The following ME3 variants were observed in gnomAD, a reference collection of about 807,000 sequenced individuals.
ME3 encodes malic enzyme 3, also known as NADP-dependent malic enzyme, mitochondrial.
In ME3, 48 loss-of-function variants were observed where a neutral mutation model predicts 68.9. The observed-to-expected ratio is 0.70, with a 90% CI of 0.55 to 0.89. ME3 has a LOEUF of 0.89. Among genes scored for constraint, ME3 ranks in the 40% least tolerant of loss-of-function variants. ME3 has a pLI of 0.00. For synonymous variants in ME3, 320 were observed against 318.8 expected (o/e 1.00, Z -0.04); for missense variants, 675 against 797.4 (o/e 0.85, Z 1.85).
At chr11:86,440,487 C>T (rs895542493), downstream of ME3, among the ~76,000 whole-genome samples, 1 of 152,152 alleles carries the variant, frequency 6.6e-6, no homozygotes, top group African/African-American at 2.4e-5. Context: ...ATCAAGTCTT[C>T]CCTAGATCTC....
chr11:86,608,703 A>G (rs1169390482), intron 2 of ME3, among the ~76,000 whole-genome samples: 1 of 152,240 alleles, frequency 6.6e-6, no homozygotes, highest in Non-Finnish European at 1.5e-5. Context: ...AAAAAATTAA[A>G]AATAAAGTAA....
intron 2 of ME3, among the ~76,000 whole-genome samples, chr11:86,615,023 G>C (rs190263368): frequency 6.6e-6 from 1 of 151,978 alleles, no homozygotes; most frequent in African/African-American, 2.4e-5. Context: ...GAACCAAATC[G>C]TTTTTTTAAA....
At chr11:86,555,176 A>G (rs1956868141) in intron 4 of ME3, among the ~76,000 whole-genome samples, 1 of 152,230 alleles carries the variant, frequency 6.6e-6, no homozygotes, top group Admixed American at 6.5e-5. Flanking sequence ...AGATCAGAGT[A>G]GTTAGAACAC....
chr11:86,546,725 A>C (rs1956381277), intron 4 of ME3, among the ~76,000 whole-genome samples: 1 of 152,222 alleles, frequency 6.6e-6, no homozygotes, highest in Non-Finnish European at 1.5e-5. Flanking sequence ...GTGAGAGTGT[A>C]AATTTGTTCA....
the ME3 span, chr11:86,436,044 G>A: frequency 6.6e-6 from 1 of 152,236 alleles, no homozygotes; most frequent in Admixed American, 6.5e-5. Flanking sequence ...TGCAACCACA[G>A]CATCCACTCT....
At chr11:86,473,461 G>A (rs556587843) in intron 7 of ME3, among the ~76,000 whole-genome samples, 5 of 152,282 alleles carry the variant, frequency 3.3e-5, no homozygotes, top group African/African-American at 1.2e-4. Context: ...ACAGCTGTTG[G>A]GGGAAGTGGG....
chr11:86,482,168 C>G (rs1951449723), intron 7 of ME3, among the ~76,000 whole-genome samples: 1 of 152,176 alleles, frequency 6.6e-6, no homozygotes, highest in African/African-American at 2.4e-5. Flanking sequence ...CAACTCCCAA[C>G]TTTATGTTTC....
chr11:86,664,652 C>T (rs1481692505), intron 2 of ME3, among the ~76,000 whole-genome samples: 9 of 152,116 alleles, frequency 5.9e-5, no homozygotes, highest in African/African-American at 1.4e-4. Context: ...ACAGAAATTC[C>T]GAGCAGGGAT....
At chr11:86,516,351 A>ATC (rs138871212) in intron 4 of ME3, among the ~76,000 whole-genome samples, 23,804 of 134,194 alleles carry the variant, frequency 0.18, 2,325 homozygotes, top group East Asian at 0.41. Context: ...AGTAAATAAA[A>ATC]TCTCTCTCTC....
intron 8 of ME3, chr11:86,457,694 G>A (rs750925848): frequency 3.5e-5 from 45 of 1,288,744 alleles, no homozygotes; most frequent in East Asian, 5.6e-5. Flanking sequence ...ATGGGTCCAG[G>A]GATGTGCTGG....
chr11:86,562,402 T>A (rs1468375644), intron 2 of ME3, among the ~76,000 whole-genome samples: 1 of 152,174 alleles, frequency 6.6e-6, no homozygotes, highest in Non-Finnish European at 1.5e-5. Flanking sequence ...AGTTGGATAA[T>A]ATGTTGGAGT....
At chr11:86,635,542 C>T (rs569576746) in intron 2 of ME3, among the ~76,000 whole-genome samples, 18 of 152,216 alleles carry the variant, frequency 1.2e-4, no homozygotes, top group African/African-American at 4.1e-4. Flanking sequence ...GAGGTGGGAC[C>T]ATTAAGAGAT....
At chr11:86,585,440 G>C (rs1242076073) in intron 2 of ME3, among the ~76,000 whole-genome samples, 1 of 152,140 alleles carries the variant, frequency 6.6e-6, no homozygotes, top group Non-Finnish European at 1.5e-5. Flanking sequence ...TGATAGATGA[G>C]ATTTGGGGGT....
At chr11:86,610,666 T>G (rs1167496964) in intron 2 of ME3, among the ~76,000 whole-genome samples, 1 of 77,588 alleles carries the variant, frequency 1.3e-5, no homozygotes, top group East Asian at 4.8e-4. Flanking sequence ...GCTGTGGGGT[T>G]GGGGGGTGGC....
At chr11:86,583,661 G>A (rs1958570011) in intron 2 of ME3, among the ~76,000 whole-genome samples, 1 of 152,122 alleles carries the variant, frequency 6.6e-6, no homozygotes. Context: ...TTTGTGTTGG[G>A]AATGGTATGT....
At chr11:86,458,903 C>T (rs1301929024) in intron 8 of ME3, among the ~76,000 whole-genome samples, 1 of 152,200 alleles carries the variant, frequency 6.6e-6, no homozygotes, top group Non-Finnish European at 1.5e-5. Context: ...GCAAAGTCCC[C>T]CACACCTTCC....
intron 2 of ME3, among the ~76,000 whole-genome samples, chr11:86,560,861 C>T (rs1442288646): frequency 2.0e-5 from 3 of 150,492 alleles, no homozygotes; most frequent in South Asian, 4.2e-4. Flanking sequence ...CCAGATGTCC[C>T]TTGTTTTTGA....
intron 2 of ME3, among the ~76,000 whole-genome samples, chr11:86,589,382 TATGAATGA>T (rs201542002): frequency 6.8e-6 from 1 of 147,594 alleles, no homozygotes; most frequent in Non-Finnish European, 1.5e-5. Flanking sequence ...AGAGAGAATA[TATGAATGA>T]ATGAATGAAT....
At chr11:86,531,821 T>C (rs1955256513) in intron 4 of ME3, among the ~76,000 whole-genome samples, 1 of 102,394 alleles carries the variant, frequency 9.8e-6, no homozygotes, top group East Asian at 3.3e-4. Flanking sequence ...CACCGGGGCC[T>C]ATTTTTGGGT....
Sources: allele counts gnomAD v4.1 joint callset (sites outside exome capture counted in the v4.1 genomes callset), GRCh38; gene constraint gnomAD v4.1.1; transcripts MANE v1.5; gene names NCBI Gene and HGNC (gene_info 2026-07-23, HGNC 2026-07-21).